The following ARHGAP12 variants were observed in gnomAD, a reference collection of about 807,000 sequenced individuals.
The protein encoded by ARHGAP12 is rho GTPase-activating protein 12.
A neutral mutation model predicts 108.6 loss-of-function variants in ARHGAP12; 64 were observed. The observed-to-expected ratio is 0.59, with a 90% CI of 0.48 to 0.73. The LOEUF is 0.73. Among genes scored for constraint, ARHGAP12 ranks in the 30% least tolerant of loss-of-function variants. ARHGAP12 has a pLI of 0.00. For synonymous variants in ARHGAP12, 312 were observed against 337.2 expected, an observed-to-expected ratio of 0.93 and a Z score of 0.82; for missense variants, 940 against 1,005.9, an observed-to-expected ratio of 0.93 and a Z score of 0.89.
intron 1 of ARHGAP12, among the ~76,000 whole-genome samples, chr10:31,921,763 CAAAAAAAAA>C (rs57420280): frequency 0.047 from 1,775 of 37,916 alleles, 39 homozygotes; most frequent in African/African-American, 0.14. Context: ...GGCTCCATCT[CAAAAAAAAA>C]AAAAAAAAAA....
intron 1 of ARHGAP12, among the ~76,000 whole-genome samples, chr10:31,927,881 C>G (rs1840114726): frequency 6.6e-6 from 1 of 152,204 alleles, no homozygotes; most frequent in African/African-American, 2.4e-5. Context: ...ACAACCAGCT[C>G]CCCTGAGATG....
At chr10:31,814,755 A>G (rs541648600) in intron 13 of ARHGAP12, among the ~76,000 whole-genome samples, 1 of 152,186 alleles carries the variant, frequency 6.6e-6, no homozygotes, top group Non-Finnish European at 1.5e-5. Context: ...TGGACCTGAC[A>G]AGAGTATTAC....
At chr10:31,875,335 T>C (rs1265931985) in intron 3 of ARHGAP12, among the ~76,000 whole-genome samples, 3 of 152,122 alleles carry the variant, frequency 2.0e-5, no homozygotes, top group East Asian at 1.9e-4. Context: ...CCAGAAAAAG[T>C]AGAGTAGGTA....
intron 3 of ARHGAP12, among the ~76,000 whole-genome samples, chr10:31,881,031 T>TC (rs1032223936): frequency 2.0e-5 from 3 of 150,916 alleles, no homozygotes; most frequent in African/African-American, 7.3e-5. Context: ...TGACCTCAAT[T>TC]CCCCCCACCT....
At chr10:31,920,449 CAAAA>C (rs71027040) in intron 1 of ARHGAP12, among the ~76,000 whole-genome samples, 1,391 of 59,576 alleles carry the variant, frequency 0.023, 26 homozygotes, top group African/African-American at 0.09. Flanking sequence ...GACTCCGTCT[CAAAA>C]AAAAAAAAAA....
At chr10:31,861,216 G>C (rs1272270180) in intron 4 of ARHGAP12, among the ~76,000 whole-genome samples, 179 bp downstream of exon 4, 1 of 152,218 alleles carries the variant, frequency 6.6e-6, no homozygotes, top group African/African-American at 2.4e-5. Flanking sequence ...ATTAGTCAGA[G>C]ATTAGGAAGT....
intron 3 of ARHGAP12, among the ~76,000 whole-genome samples, chr10:31,899,537 C>A (rs958627100): frequency 5.9e-5 from 9 of 152,140 alleles, no homozygotes; most frequent in Admixed American, 3.3e-4. Flanking sequence ...AGGAATGACA[C>A]AGAGATCAAT....
intron 9 of ARHGAP12, among the ~76,000 whole-genome samples, chr10:31,835,404 A>T (rs374640581): frequency 1.3e-5 from 2 of 152,144 alleles, no homozygotes; most frequent in Admixed American, 6.5e-5. Flanking sequence ...TGATACTCTA[A>T]AAGAAACTTT....
chr10:31,842,283 T>C (rs937045963), intron 7 of ARHGAP12, among the ~76,000 whole-genome samples: 1 of 152,082 alleles, frequency 6.6e-6, no homozygotes, highest in African/African-American at 2.4e-5. Flanking sequence ...TCCTGAATTG[T>C]AATCTGGTTC....
chr10:31,855,071 G>T (rs1211515577), intron 4 of ARHGAP12, among the ~76,000 whole-genome samples: 1 of 91,208 alleles, frequency 1.1e-5, no homozygotes, highest in Non-Finnish European at 2.2e-5. Flanking sequence ...GGGGAAGGGG[G>T]AGGAAAGGAG....
At chr10:31,820,540 G>A in intron 11 of ARHGAP12, 52 bp from the exon 12 acceptor site, 1 of 1,045,654 alleles carries the variant, frequency 9.6e-7, no homozygotes, top group Non-Finnish European at 1.3e-6. Flanking sequence ...ACATATATGT[G>A]TATTCAAAAA....
At chr10:31,874,667 T>G (rs1056689671) in intron 3 of ARHGAP12, among the ~76,000 whole-genome samples, 8 of 150,578 alleles carry the variant, frequency 5.3e-5, no homozygotes, top group Non-Finnish European at 1.0e-4. Flanking sequence ...TAATGGACTC[T>G]ATAAGTAGAA....
At chr10:31,855,972 C>G (rs1457604700) in intron 4 of ARHGAP12, among the ~76,000 whole-genome samples, 1 of 152,042 alleles carries the variant, frequency 6.6e-6, no homozygotes, top group Non-Finnish European at 1.5e-5. Context: ...TTTTGGCAAG[C>G]ATTCTATAGA....
chr10:31,904,552 C>A (rs1350944914), intron 3 of ARHGAP12, among the ~76,000 whole-genome samples: 4 of 152,116 alleles, frequency 2.6e-5, no homozygotes, highest in Admixed American at 1.3e-4. Context: ...AACCCCTGAT[C>A]GTGATATTAC....
intron 3 of ARHGAP12, among the ~76,000 whole-genome samples, chr10:31,879,982 C>T (rs1050686285): frequency 3.9e-5 from 6 of 152,128 alleles, no homozygotes; most frequent in African/African-American, 1.4e-4. Context: ...AGGGAAGCAA[C>T]AGAAATAATA....
chr10:31,925,708 T>C (rs1840008054), intron 1 of ARHGAP12, among the ~76,000 whole-genome samples: 1 of 152,200 alleles, frequency 6.6e-6, no homozygotes, highest in Non-Finnish European at 1.5e-5. Flanking sequence ...GGATTGCTGA[T>C]GAGGCCAATC....
At chr10:31,911,305 T>G (rs1462242922) in intron 1 of ARHGAP12, among the ~76,000 whole-genome samples, 1 of 152,338 alleles carries the variant, frequency 6.6e-6, no homozygotes, top group Middle Eastern at 3.4e-3. Flanking sequence ...ATTATAGGCA[T>G]GAGCCACCGC....
intron 3 of ARHGAP12, among the ~76,000 whole-genome samples, chr10:31,893,212 C>T (rs1259067175): frequency 6.6e-6 from 1 of 152,124 alleles, no homozygotes; most frequent in Non-Finnish European, 1.5e-5. Context: ...AGAGCAAACA[C>T]ATTCAAAAGC....
intron 3 of ARHGAP12, among the ~76,000 whole-genome samples, chr10:31,883,973 C>T (rs984309724): frequency 6.6e-6 from 1 of 151,612 alleles, no homozygotes; most frequent in African/African-American, 2.4e-5. Context: ...CGTCAGCTTC[C>T]CAAAGTGCTG....
Sources: gnomAD v4.1 joint callset for allele counts (sites outside exome capture counted in the v4.1 genomes callset) on GRCh38, gnomAD v4.1.1 for gene constraint, MANE v1.5 for transcripts, NCBI Gene and HGNC (gene_info 2026-07-23, HGNC 2026-07-21) for gene names.